Variants in C16orf95 observed in about 807,000 individuals in gnomAD.
C16orf95 encodes chromosome 16 open reading frame 95.
In C16orf95, 41 loss-of-function variants were observed where a neutral mutation model predicts 32.1. That is an observed-to-expected ratio of 1.28 (90% CI 1.00 to 1.66). The LOEUF is 1.66. Ranked by LOEUF, C16orf95 falls within the 40% of genes most tolerant of loss-of-function variation. The pLI is 0.00. For synonymous variants in C16orf95, 147 were observed against 128.9 expected (o/e 1.14, Z -0.95); for missense variants, 399 against 325.9 (o/e 1.22, Z -1.73).
chr16:87,315,975 G>A lies in C16orf95; in HGVS notation c.153-152C>T, dbSNP rs147153474. 4.1e-3 allele frequency among the ~76,000 whole-genome samples: 631 copies of A among 152,288 alleles called. 4 individuals carry two copies. The highest frequency in any genetic ancestry group is 0.015 in the African/African-American group (615 of 41,542). On this transcript the variant is annotated intron_variant, in intron 1 of 6. Transcript: ENST00000567970. ...GGGGGATCCTCTGAGCCCAAGAAGA[G>A]TGAGAGGGTGACATCAGAAGCAGGC...
Position 87,315,817 on chromosome 16 carries a change from G to A in C16orf95, c.159C>T (p.Ser53=). The A allele has an allele frequency of 6.5e-7, 1 of 1,530,118 alleles. No homozygotes were observed. The allele number at this position is 1,530,118 out of a possible 1,614,324, so 94.8% of individuals were successfully genotyped here. A position where few individuals can be genotyped will look rare whatever the true frequency, so the allele number is the denominator to read the frequency against. ...CTTCTTTCTTGTAGGTTTGAAATGT[G>A]CTATTCCTAGAAGAGAAGAACAGAA... ...LTPSAQDGRN[S]TFQTYKKEVC... is the part of the protein sequence containing the mutation. Residue 53 remains serine, a synonymous_variant, in exon 2 of 7, where the codon AGC becomes AGT. Coordinates refer to ENST00000567970, the MANE Select transcript of C16orf95 (RefSeq NM_001195124.3).
At chr16:87,315,489 C>A (rs985222491) in intron 2 of C16orf95, among the ~76,000 whole-genome samples, 2 of 152,216 alleles carry the variant, frequency 1.3e-5, no homozygotes, top group African/African-American at 4.8e-5. Flanking sequence ...ATGTGACCTT[C>A]GCAACACCCT....
chr16:87,305,606 C>T lies in C16orf95; in HGVS notation c.701+113G>A. ...ACAGTGCCGGGCCTTGGACGCCTGTCAAGTTAAGCCCCACCCCCCACTCTT... is the reference window on the plus strand; with the variant it reads ...ACAGTGCCGGGCCTTGGACGCCTGTTAAGTTAAGCCCCACCCCCCACTCTT... On this transcript the variant is annotated intron_variant, in intron 6 of 6. Coordinates refer to ENST00000567970, the MANE Select transcript of C16orf95 (RefSeq NM_001195124.3). The surrounding 1 kb of genome is among the most constrained non-coding windows in gnomAD (Gnocchi z 4.2). 1.0e-6 allele frequency: 1 copy of T among 952,786 alleles called. No individual in the cohort carries two copies. The highest frequency in any genetic ancestry group is 1.5e-6 in the Non-Finnish European group (1 of 674,400). 59.0% of individuals were successfully genotyped at this position (952,786 alleles called of 1,614,324 possible). A position where few individuals can be genotyped will look rare whatever the true frequency, so the allele number is the denominator to read the frequency against.
chr16:87,313,579 A>G (rs1371959046), intron 3 of C16orf95, among the ~76,000 whole-genome samples: 2 of 152,098 alleles, frequency 1.3e-5, no homozygotes, highest in Non-Finnish European at 2.9e-5. Context: ...ACGAAAAATA[A>G]ACAAAATTAG....
intron 1 of C16orf95, 23 bp from the exon 2 acceptor site, chr16:87,315,846 C>G: frequency 1.3e-6 from 2 of 1,520,586 alleles, no homozygotes; most frequent in Non-Finnish European, 1.8e-6. Flanking sequence ...AACAGAAAAG[C>G]TTAGGGTTTG....
At position 87,302,910 on chromosome 16, in the gene C16orf95, G is replaced by A; in HGVS notation, c.*147C>T. ...GCTACAACCAAGAATCACCTGATGA[G>A]AAATCATTTGGGTTGAATCCTGGGT... On this transcript the variant is annotated 3_prime_UTR_variant, in exon 7 of 7. Transcript: ENST00000567970. 1 of 817,422 alleles carries A rather than the reference G, an allele frequency of 1.2e-6. No homozygotes were observed. The highest frequency in any genetic ancestry group is 1.5e-5 in the South Asian group (1 of 66,092). The allele number at this position is 817,422 out of a possible 1,614,324, so 50.6% of individuals were successfully genotyped here. A position where few individuals can be genotyped will look rare whatever the true frequency, so the allele number is the denominator to read the frequency against.
chr16:87,305,913 A>T lies in C16orf95; in HGVS notation c.515-8T>A. 1.4e-6 allele frequency: 2 copies of T among 1,410,684 alleles called. No individual in the cohort carries two copies. The highest frequency in any genetic ancestry group is 1.8e-6 in the Non-Finnish European group (2 of 1,086,598). The allele number at this position is 1,410,684 out of a possible 1,614,324, so 87.4% of individuals were successfully genotyped here. A position where few individuals can be genotyped will look rare whatever the true frequency, so the allele number is the denominator to read the frequency against. On this transcript the variant is annotated splice_polypyrimidine_tract_variant and splice_region_variant and intron_variant, in intron 5 of 6. Transcript: ENST00000567970. The surrounding 1 kb of genome is among the most constrained non-coding windows in gnomAD (Gnocchi z 4.2). ...ATGCATCCAGCAGGGGTGCTAGGCA[A>T]AGAAAAGGTGGGTTGAGGACAGGGC... is the stretch of plus-strand genomic sequence containing the variant.
At chr16:87,315,848 T>C in intron 1 of C16orf95, 25 bp from the exon 2 acceptor site, 2 of 1,519,130 alleles carry the variant, frequency 1.3e-6, no homozygotes, top group Non-Finnish European at 1.8e-6. Flanking sequence ...CAGAAAAGCT[T>C]AGGGTTTGTG....
rs186341380 is a variant in C16orf95 at position 87,316,675 on chromosome 16, C to T, written c.152+416G>A. Among the ~76,000 whole-genome samples the T allele has an allele frequency of 2.1e-3, 315 of 152,192 alleles. 3 individuals are homozygous for T. Among genetic ancestry groups the T allele is most frequent in the African/African-American group, 7.3e-3 (305 of 41,526 alleles). The stretch of plus-strand genomic sequence containing the variant: ...GGGGGGGGGCCACAGCCATCTCAGT[C>T]CTTGTAGTTCAGGTGGGCCAAACTC... On this transcript the variant is annotated intron_variant, in intron 1 of 6. Transcript: ENST00000567970.
At chr16:87,304,983 C>G (rs1189052798) in intron 6 of C16orf95, among the ~76,000 whole-genome samples, 1 of 152,242 alleles carries the variant, frequency 6.6e-6, no homozygotes, top group Non-Finnish European at 1.5e-5. Context: ...GTCTCCTCAT[C>G]CATGCAGTGT....
At position 87,305,397 on chromosome 16, in the gene C16orf95, A is replaced by G. The variant is rs573466360; in HGVS notation, c.701+322T>C. On this transcript the variant is annotated intron_variant, in intron 6 of 6. Transcript: ENST00000567970. This position sits in a 1 kb window ranked among gnomAD's most constrained non-coding sequence, Gnocchi z 4.2. The stretch of plus-strand genomic sequence containing the variant: ...GTTAAGATGCACCGTCAACCCCAAC[A>G]TAACAATGAAAATTTATGGAAACTG... 3.5e-4 allele frequency among the ~76,000 whole-genome samples: 53 copies of G among 152,276 alleles called. No homozygotes were observed. The highest frequency in any genetic ancestry group is 1.2e-3 in the African/African-American group (48 of 41,548).
Position 87,317,073 on chromosome 16 carries a change from G to C in C16orf95, c.152+18C>G, listed in dbSNP as rs1391180079. 1 of 1,491,872 alleles carries C rather than the reference G, an allele frequency of 6.7e-7. No individual in the cohort carries two copies. The highest frequency in any genetic ancestry group is 1.4e-5 in the African/African-American group (1 of 71,702). 92.4% of individuals were successfully genotyped at this position (1,491,872 alleles called of 1,614,324 possible). A position where few individuals can be genotyped will look rare whatever the true frequency, so the allele number is the denominator to read the frequency against. ...CGAGGTGTCGGGTAGCCGCGGGCAG[G>C]ATTCAGGACTCACTTGCCTGCCATC... On this transcript the variant is annotated intron_variant, in intron 1 of 6. Coordinates refer to ENST00000567970, the MANE Select transcript of C16orf95 (RefSeq NM_001195124.3).
chr16:87,306,486 T>C (rs1466171634), intron 5 of C16orf95, among the ~76,000 whole-genome samples: 1 of 152,140 alleles, frequency 6.6e-6, no homozygotes, highest in Non-Finnish European at 1.5e-5. Flanking sequence ...GCTACTAATA[T>C]AAAATATACA....
At position 87,317,124 on chromosome 16, in the gene C16orf95, C is replaced by G. The variant is rs1367907981; in HGVS notation, c.119G>C (p.Arg40Thr). Residue 40 changes from arginine to threonine, a missense_variant, in exon 1 of 7, where the codon AGG (arginine) becomes ACG (threonine). Physicochemically the swap from Arg to Thr is moderately conservative, Grantham distance 71. Transcript: ENST00000567970. ...GPGAGCVGLC[R>T]LALTPSAQDG... ...CTGCGCGCTGGGTGTGAGTGCCAAC[C>G]TGCAGAGCCCGACGCACCCCGCGCC... 2 of 1,532,940 alleles carry G rather than the reference C, an allele frequency of 1.3e-6. No individual in the cohort carries two copies. The highest frequency in any genetic ancestry group is 3.9e-5 in the Admixed American group (2 of 50,668). 95.0% of individuals were successfully genotyped at this position (1,532,940 alleles called of 1,614,324 possible). A position where few individuals can be genotyped will look rare whatever the true frequency, so the allele number is the denominator to read the frequency against.
At chr16:87,306,313 G>A (rs1171751560) in intron 5 of C16orf95, among the ~76,000 whole-genome samples, 2 of 152,100 alleles carry the variant, frequency 1.3e-5, no homozygotes. Context: ...GGGTATATTT[G>A]AAATTTTCCA....
At chr16:87,306,095 TG>T (rs1427893695) in intron 5 of C16orf95, 190 bp from the exon 6 acceptor site, 1 of 435,446 alleles carries the variant, frequency 2.3e-6, no homozygotes, top group African/African-American at 2.1e-5. Flanking sequence ...TATGATATCC[TG>T]GGTAACGGCA....
rs981273158 is a variant in C16orf95, at chr16:87,305,410, T to C, written c.701+309A>G. On this transcript the variant is annotated intron_variant, in intron 6 of 6. Transcript: ENST00000567970. The surrounding 1 kb of genome is among the most constrained non-coding windows in gnomAD (Gnocchi z 4.2). ...GTCAACCCCAACATAACAATGAAAA[T>C]TTATGGAAACTGGGACCCGTGTCCT... 1.3e-5 allele frequency among the ~76,000 whole-genome samples: 2 copies of C among 151,934 alleles called. No homozygotes were observed. Among genetic ancestry groups the C allele is most frequent in the Non-Finnish European group, 2.9e-5 (2 of 67,972 alleles).
Position 87,305,958 on chromosome 16 carries a change from G to T in C16orf95, c.515-53C>A. On this transcript the variant is annotated intron_variant, in intron 5 of 6. Coordinates refer to ENST00000567970, the MANE Select transcript of C16orf95 (RefSeq NM_001195124.3). The surrounding 1 kb of genome is among the most constrained non-coding windows in gnomAD (Gnocchi z 4.2). ...CAGGGCGTGTTCTCCGGGACTCTGTGAGCCACGAGGAGGCTGCAACACCAG... is the reference window on the plus strand; with the variant it reads ...CAGGGCGTGTTCTCCGGGACTCTGTTAGCCACGAGGAGGCTGCAACACCAG... 7.6e-7 allele frequency: 1 copy of T among 1,312,350 alleles called. No homozygotes were observed. Among genetic ancestry groups the T allele is most frequent in the Non-Finnish European group, 9.8e-7 (1 of 1,017,682 alleles). 81.3% of individuals were successfully genotyped at this position (1,312,350 alleles called of 1,614,324 possible).
At chr16:87,306,085 TATG>T (rs1374086979) in intron 5 of C16orf95, 180 bp from the exon 6 acceptor site, 1 of 447,686 alleles carries the variant, frequency 2.2e-6, no homozygotes, top group Non-Finnish European at 3.9e-6. Context: ...CTTGCGGGTT[TATG>T]ATATCCTGGG....
Sources: allele counts gnomAD v4.1 joint callset (sites outside exome capture counted in the v4.1 genomes callset), GRCh38; gene constraint gnomAD v4.1.1; non-coding constraint Gnocchi (gnomAD v3.1); transcripts MANE v1.5; gene names NCBI Gene and HGNC (gene_info 2026-07-23, HGNC 2026-07-21).